Variants in SASH1 observed in about 807,000 individuals in gnomAD.
SASH1 encodes SAM and SH3 domain-containing protein 1.
SASH1 carries 44 observed loss-of-function variants against 125.2 expected under a neutral mutation model. The ratio of observed to expected loss-of-function variants is 0.35; its 90% CI spans 0.28 to 0.45. SASH1 has a LOEUF of 0.45. Among genes scored for constraint, SASH1 ranks in the 20% least tolerant of loss-of-function variants. The pLI is 1.00. For synonymous variants in SASH1, 639 were observed against 649.1 expected, an observed-to-expected ratio of 0.98 and a Z score of 0.24; for missense variants, 1,426 against 1,614.5, an observed-to-expected ratio of 0.88 and a Z score of 2.00.
chr6:148,328,053 T>A (rs1037263803), intron 1 of SASH1, among the ~76,000 whole-genome samples: 1 of 152,004 alleles, frequency 6.6e-6, no homozygotes, highest in Non-Finnish European at 1.5e-5. Flanking sequence ...GTTTAAGGGA[T>A]GGGGTCTCAC....
rs188495543 is a variant in SASH1 at position 148,395,176 on chromosome 6, G to T, written c.285+4914G>T. ...GGGTGATGGGTTGAATTGGTTTATG[G>T]CTTTGTTTCATTCTAAATCTTCTGG... On this transcript the variant is annotated intron_variant, in intron 2 of 19. Transcript: ENST00000367467. Among the ~76,000 whole-genome samples, 256 of 152,274 alleles carry T rather than the reference G, an allele frequency of 1.7e-3. 1 individual carries two copies. The highest frequency in any genetic ancestry group is 7.7e-3 in the East Asian group (40 of 5,180).
chr6:148,336,046 A>C (rs936934363), intron 1 of SASH1, among the ~76,000 whole-genome samples: 5 of 152,194 alleles, frequency 3.3e-5, no homozygotes, highest in Admixed American at 2.0e-4. Context: ...AACTGTATCA[A>C]ATAAGTGGAA....
intron 6 of SASH1, among the ~76,000 whole-genome samples, chr6:148,473,361 C>T (rs775541975): frequency 7.5e-6 from 1 of 132,570 alleles, no homozygotes; most frequent in African/African-American, 2.5e-5. Context: ...CAAAGCAATT[C>T]TCCTGCTTCA....
chr6:148,358,678 C>T (rs1232942101), intron 1 of SASH1, among the ~76,000 whole-genome samples: 1 of 151,356 alleles, frequency 6.6e-6, no homozygotes, highest in Non-Finnish European at 1.5e-5. Flanking sequence ...TAAGTCACCC[C>T]TCCTTAGATG....
At chr6:148,380,123 A>C (rs1470868122) in intron 1 of SASH1, among the ~76,000 whole-genome samples, 1 of 152,158 alleles carries the variant, frequency 6.6e-6, no homozygotes, top group Non-Finnish European at 1.5e-5. Flanking sequence ...GTTGTCAGTC[A>C]GTTTTGATTG....
intron 1 of SASH1, among the ~76,000 whole-genome samples, chr6:148,366,940 G>T (rs1437559109): frequency 6.9e-5 from 10 of 144,840 alleles, no homozygotes; most frequent in African/African-American, 2.3e-4. Flanking sequence ...ATCATCTTTG[G>T]GTTCTGATGG....
At chr6:148,421,306 A>T (rs980345859) in intron 2 of SASH1, among the ~76,000 whole-genome samples, 5 of 151,938 alleles carry the variant, frequency 3.3e-5, no homozygotes, top group Non-Finnish European at 7.4e-5. Flanking sequence ...AATTATTTTT[A>T]TTTATTATTT....
chr6:148,205,920 T>C, the SASH1 span, among the ~76,000 whole-genome samples: 1 of 152,136 alleles, frequency 6.6e-6, no homozygotes, highest in Non-Finnish European at 1.5e-5. Flanking sequence ...GCGAGCTCTA[T>C]CCTTTTGCAT....
chr6:148,449,772 C>T (rs147657175), intron 4 of SASH1, among the ~76,000 whole-genome samples: 24 of 152,208 alleles, frequency 1.6e-4, no homozygotes, highest in African/African-American at 4.8e-4. Flanking sequence ...CCCTGGCTTC[C>T]GGGGAGGGCC....
chr6:148,373,095 G>A (rs901834723), intron 1 of SASH1, among the ~76,000 whole-genome samples: 1 of 152,084 alleles, frequency 6.6e-6, no homozygotes, highest in Non-Finnish European at 1.5e-5. Context: ...GGAGGCTGAG[G>A]CAGGAGAATT....
the SASH1 span, among the ~76,000 whole-genome samples, chr6:148,239,779 T>C: frequency 6.6e-6 from 1 of 152,112 alleles, no homozygotes; most frequent in African/African-American, 2.4e-5. Flanking sequence ...TAATAGTGCT[T>C]CTTTTTTATT....
intron 2 of SASH1, among the ~76,000 whole-genome samples, chr6:148,436,128 T>C (rs1330753035): frequency 6.6e-6 from 1 of 152,036 alleles, no homozygotes; most frequent in African/African-American, 2.4e-5. Flanking sequence ...GCTCTCACGG[T>C]GTGGCTTTGG....
intron 1 of SASH1, among the ~76,000 whole-genome samples, chr6:148,373,941 C>T (rs1782792434): frequency 6.6e-6 from 1 of 152,194 alleles, no homozygotes; most frequent in South Asian, 2.1e-4. Flanking sequence ...CTGTTGTACT[C>T]TGCACTCCAG....
chr6:148,416,491 G>A lies in SASH1; in HGVS notation c.286-23693G>A, dbSNP rs190403644. On this transcript the variant is annotated intron_variant, in intron 2 of 19. Transcript: ENST00000367467. ...AAAAATAGCTCTTGAGTTTTGCAGC[G>A]TGGAGCACCATGTGTGAGATCCTGG... 1.6e-4 allele frequency among the ~76,000 whole-genome samples: 24 copies of A among 152,288 alleles called. No individual in the cohort carries two copies. In the South Asian group the frequency reaches 2.7e-3, roughly 17 times the overall value.
intron 4 of SASH1, among the ~76,000 whole-genome samples, chr6:148,447,738 T>C (rs13204874): frequency 1.6e-5 from 2 of 125,130 alleles, no homozygotes; most frequent in African/African-American, 2.8e-5. Flanking sequence ...CCTCCTCCTC[T>C]TCCTCCTCCT....
Position 148,343,014 on chromosome 6 carries a change from G to C in SASH1, c.-54G>C. 8.8e-7 allele frequency: 1 copy of C among 1,134,782 alleles called. No homozygotes were observed. The highest frequency in any genetic ancestry group is 1.1e-6 in the Non-Finnish European group (1 of 926,582). 70.3% of individuals were successfully genotyped at this position (1,134,782 alleles called of 1,614,324 possible). A position where few individuals can be genotyped will look rare whatever the true frequency, so the allele number is the denominator to read the frequency against. On this transcript the variant is annotated 5_prime_UTR_variant, in exon 1 of 20. Transcript: ENST00000367467. ...ATCCGGGCAGGCTGCGCGCGGGTGC[G>C]GGGCGAGGGCGCCGCGGGGACTGGG... is the stretch of plus-strand genomic sequence containing the variant.
rs1162225428 is a variant in SASH1, at chr6:148,334,427, CAAAAA to C, written n.75-55690_75-55686del. On this transcript the variant is annotated intron_variant and non_coding_transcript_variant, in intron 1 of 3. Coordinates refer to the SASH1 transcript ENST00000367469. ...TGGGCCACAGAGCGAGACTCCGTCT[CAAAAA>C]AAAAAAAAAAAAAAAAGAGATAATA... Among the ~76,000 whole-genome samples the C allele has an allele frequency of 7.5e-3, 476 of 63,706 alleles. 5 individuals are homozygous for C. The highest frequency in any genetic ancestry group is 0.029 in the Middle Eastern group (2 of 70). 41.8% of individuals were successfully genotyped at this position (63,706 alleles called of 152,430 possible). A position where few individuals can be genotyped will look rare whatever the true frequency, so the allele number is the denominator to read the frequency against.
At chr6:148,362,692 T>TA (rs1455868950) in intron 1 of SASH1, among the ~76,000 whole-genome samples, 1 of 151,614 alleles carries the variant, frequency 6.6e-6, no homozygotes, top group Non-Finnish European at 1.5e-5. Context: ...CTACAAAAAA[T>TA]AAAAAATTAG....
intron 8 of SASH1, among the ~76,000 whole-genome samples, chr6:148,511,808 A>C (rs959149632): frequency 1.1e-4 from 16 of 151,910 alleles, no homozygotes; most frequent in Non-Finnish European, 1.5e-5. Context: ...TGTGGACTAA[A>C]ATTTTTGTAT....
Sources: gnomAD v4.1 joint callset for allele counts (sites outside exome capture counted in the v4.1 genomes callset) on GRCh38, gnomAD v4.1.1 for gene constraint, MANE v1.5 for transcripts, NCBI Gene and HGNC (gene_info 2026-07-23, HGNC 2026-07-21) for gene names.